The following PPP2R5A variants were observed in gnomAD, a reference collection of about 807,000 sequenced individuals.
PPP2R5A encodes the protein serine/threonine-protein phosphatase 2A 56 kDa regulatory subunit alpha isoform.
Under a neutral mutation model 64.2 loss-of-function variants are expected in PPP2R5A, and 25 were observed. The observed-to-expected ratio is 0.39, with a 90% CI of 0.28 to 0.54. PPP2R5A has a LOEUF of 0.54. Among genes scored for constraint, PPP2R5A ranks in the 20% least tolerant of loss-of-function variants. PPP2R5A has a pLI of 0.67. For synonymous variants in PPP2R5A, 198 were observed against 201.2 expected, an observed-to-expected ratio of 0.98 and a Z score of 0.13; for missense variants, 425 against 576.3, an observed-to-expected ratio of 0.74 and a Z score of 2.69.
At chr1:212,330,547 C>CAAA (rs5780687) in intron 2 of PPP2R5A, among the ~76,000 whole-genome samples, 55 of 146,302 alleles carry the variant, frequency 3.8e-4, no homozygotes, top group East Asian at 6.0e-4. Context: ...CACCTTGTCT[C>CAAA]AAAAAAAAAA....
rs74922760 is a variant in PPP2R5A, at chr1:212,359,264, T to C, written c.1328+477T>C. Among the ~76,000 whole-genome samples the C allele has an allele frequency of 5.3e-4, 80 of 152,350 alleles. 1 individual carries two copies. In the East Asian group the frequency reaches 0.012, roughly 23 times the overall value. ...GTGAGCTTTACTTTTCAAGTGTTCT[T>C]TGTTAGCAGTAGGTAATTCTTACGC... On this transcript the variant is annotated intron_variant, in intron 12 of 12. Transcript: ENST00000261461.
chr1:212,296,892 T>A (rs551410633), intron 1 of PPP2R5A, among the ~76,000 whole-genome samples: 3 of 152,290 alleles, frequency 2.0e-5, no homozygotes, highest in Non-Finnish European at 4.4e-5. Context: ...AACCAAAACC[T>A]AGGTAGGTTA....
At chr1:212,347,489 TTA>T in intron 6 of PPP2R5A, 83 bp downstream of exon 6, 1 of 1,041,118 alleles carries the variant, frequency 9.6e-7, no homozygotes. Context: ...GTTGGAGAAA[TTA>T]TGTCATATTT....
intron 1 of PPP2R5A, among the ~76,000 whole-genome samples, chr1:212,306,535 T>C (rs11119907): frequency 0.15 from 23,416 of 152,014 alleles, 2,488 homozygotes; most frequent in East Asian, 0.36. Context: ...CATTTACCTA[T>C]TTTTTTAAAG....
rs1424652985 is a variant in PPP2R5A at position 212,361,349 on chromosome 1, A to AAAAT, written c.*581_*584dup. On this transcript the variant is annotated 3_prime_UTR_variant, in exon 13 of 13. Coordinates refer to ENST00000261461, the MANE Select transcript of PPP2R5A (RefSeq NM_006243.4). ...TAAATCTCCAGGCTTTTTAAAGCAC[A>AAAAT]AAATATAAATAAAAGCTGGGAAAGT... 1 of 152,682 alleles carries AAAAT rather than the reference A, an allele frequency of 6.5e-6. No individual in the cohort carries two copies. The highest frequency in any genetic ancestry group is 1.5e-5 in the Non-Finnish European group (1 of 68,044). The allele number at this position is 152,682 out of a possible 1,614,324, so 9.5% of individuals were successfully genotyped here.
rs1461313897 is a variant in PPP2R5A at position 212,346,368 on chromosome 1, T to G, written c.704+435T>G. On this transcript the variant is annotated intron_variant, in intron 5 of 12. Coordinates refer to ENST00000261461, the MANE Select transcript of PPP2R5A (RefSeq NM_006243.4). The stretch of plus-strand genomic sequence containing the variant: ...TCTTATATGGGGCCTATCATTTGCT[T>G]GTAGTCATCCCTCAGTATCTGGGGA... Among the ~76,000 whole-genome samples the G allele has an allele frequency of 7.2e-5, 11 of 151,858 alleles. No homozygotes were observed. The East Asian group carries it at 2.1e-3, about 29-fold the overall frequency.
chr1:212,349,315 C>CT (rs1659835841), intron 8 of PPP2R5A, 73 bp downstream of exon 8: 5 of 1,137,326 alleles, frequency 4.4e-6, no homozygotes, highest in African/African-American at 1.6e-5. Flanking sequence ...GTTTTATAGC[C>CT]TTTATAGTTA....
intron 2 of PPP2R5A, chr1:212,331,395 C>G (rs1659502801): frequency 6.6e-6 from 1 of 150,586 alleles, no homozygotes; most frequent in Admixed American, 6.6e-5. Context: ...TCTCAAACTC[C>G]TGACCTCAAG....
At chr1:212,344,822 G>C (rs754522864) in intron 4 of PPP2R5A, among the ~76,000 whole-genome samples, 1 of 152,108 alleles carries the variant, frequency 6.6e-6, no homozygotes, top group African/African-American at 2.4e-5. Context: ...GTATAGGAGA[G>C]TGCTGACTGT....
intron 1 of PPP2R5A, among the ~76,000 whole-genome samples, chr1:212,286,936 C>T (rs1023518680): frequency 6.6e-6 from 1 of 152,198 alleles, no homozygotes; most frequent in Non-Finnish European, 1.5e-5. Flanking sequence ...TATCCTTTAG[C>T]TCAAGGAATA....
chr1:212,286,203 G>A lies in PPP2R5A; in HGVS notation c.93G>A (p.Lys31=). 6.3e-7 allele frequency: 1 copy of A among 1,581,296 alleles called. No homozygotes were observed. Among genetic ancestry groups the A allele is most frequent in the Admixed American group, 1.8e-5 (1 of 56,466 alleles). ...GCTTCACCCGGAAATCGGTCCGCAA[G>A]GCGCAGAGGCAGAAGCGCTCCCAGG... ...VDGFTRKSVR[K]AQRQKRSQGS... is the part of the protein sequence containing the mutation. The change falls in exon 1 of 13, where the codon AAG becomes AAA. Residue 31 remains lysine (K), a synonymous_variant. Transcript: ENST00000261461.
intron 2 of PPP2R5A, among the ~76,000 whole-genome samples, chr1:212,330,102 CT>C (rs1309085866): frequency 6.6e-6 from 1 of 152,100 alleles, no homozygotes; most frequent in East Asian, 1.9e-4. Flanking sequence ...CTGCAGCCAA[CT>C]TTATTGAAGT....
chr1:212,329,021 C>A, intron 1 of PPP2R5A, 114 bp from the exon 2 acceptor site: 1 of 732,610 alleles, frequency 1.4e-6, no homozygotes, highest in Non-Finnish European at 2.0e-6. Flanking sequence ...ACATTTCTCA[C>A]TAGATTTTTG....
At position 212,357,301 on chromosome 1, in the gene PPP2R5A, T is replaced by C. The variant is rs762706389; in HGVS notation, c.1226+17T>C. 5.2e-6 allele frequency: 8 copies of C among 1,536,802 alleles called. No homozygotes were observed. In the South Asian group the frequency reaches 6.3e-5, roughly 12 times the overall value. On this transcript the variant is annotated intron_variant, in intron 11 of 12. Transcript: ENST00000261461. ...CTGGAATCCGTAAGTATCTTTTATA[T>C]AGGTCGTATTTTTTTCTTTTTTTTT...
chr1:212,343,178 C>T (rs901206817), intron 4 of PPP2R5A, among the ~76,000 whole-genome samples: 2 of 152,074 alleles, frequency 1.3e-5, no homozygotes, highest in African/African-American at 2.4e-5. Context: ...GTCTTGAACT[C>T]CTGGCCTCAA....
At chr1:212,342,703 T>C (rs1403776899) in intron 4 of PPP2R5A, among the ~76,000 whole-genome samples, 1 of 152,204 alleles carries the variant, frequency 6.6e-6, no homozygotes, top group African/African-American at 2.4e-5. Context: ...GTGAGGAATT[T>C]GGGCTTTAGG....
chr1:212,326,881 A>G (rs1015708920), intron 1 of PPP2R5A, among the ~76,000 whole-genome samples: 13 of 152,242 alleles, frequency 8.5e-5, no homozygotes, highest in African/African-American at 3.1e-4. Flanking sequence ...TCTTTGTAAT[A>G]TATCCACATT....
chr1:212,304,129 C>T (rs1658849248), intron 1 of PPP2R5A, among the ~76,000 whole-genome samples: 1 of 152,180 alleles, frequency 6.6e-6, no homozygotes, highest in Non-Finnish European at 1.5e-5. Flanking sequence ...GTTATGTCTT[C>T]ATTTTCATTT....
chr1:212,308,359 T>C (rs1287742639), intron 1 of PPP2R5A, among the ~76,000 whole-genome samples: 1 of 148,514 alleles, frequency 6.7e-6, no homozygotes, highest in African/African-American at 2.4e-5. Flanking sequence ...TTTATCCTTC[T>C]TGGAGTTTCT....
Sources: allele counts gnomAD v4.1 joint callset (sites outside exome capture counted in the v4.1 genomes callset), GRCh38; gene constraint gnomAD v4.1.1; transcripts MANE v1.5; gene names NCBI Gene and HGNC (gene_info 2026-07-23, HGNC 2026-07-21).